PLEKHA7: variants seen among roughly 807,000 people sequenced by gnomAD.
PLEKHA7 encodes pleckstrin homology domain-containing family A member 7.
A neutral mutation model predicts 170.0 loss-of-function variants in PLEKHA7; 104 were observed. The ratio of observed to expected loss-of-function variants is 0.61; its 90% CI spans 0.52 to 0.72. The LOEUF is 0.72. Ranked by LOEUF, PLEKHA7 falls within the 30% of genes least tolerant of loss-of-function variation. The probability of loss-of-function intolerance (pLI) is 0.00; values close to 1 mark genes in which losing one functional copy is unlikely to be tolerated. For missense variants in PLEKHA7, 1,615 were observed against 1,671.7 expected (o/e 0.97, Z 0.59); for synonymous variants, 648 against 660.8 (o/e 0.98, Z 0.30).
At chr11:16,844,547 C>T (rs147296104) in intron 8 of PLEKHA7, among the ~76,000 whole-genome samples, 1 of 152,238 alleles carries the variant, frequency 6.6e-6, no homozygotes, top group African/African-American at 2.4e-5. Flanking sequence ...CTAGTCTCAA[C>T]TCAGATGGTA....
Position 16,789,149 on chromosome 11 carries a change from C to T in PLEKHA7, c.3304G>A (p.Gly1102Ser), listed in dbSNP as rs754719714. Residue 1102 changes from glycine to serine, a missense_variant, in exon 23 of 27, where the codon GGC (glycine) becomes AGC (serine). Coordinates refer to ENST00000531066, the MANE Select transcript of PLEKHA7 (RefSeq NM_001329630.2). The surrounding 1 kb of genome is among the most constrained non-coding windows in gnomAD (Gnocchi z 4.6). ...KRTLGQGERT[G>S]LPSSRYLSRP... ...CTGAGGTAGCGAGATGAGGGCAGGC[C>T]CGTCCTCTCCCCTTGGCCCAGTGTC... 6.2e-7 allele frequency: 1 copy of T among 1,610,818 alleles called. No individual in the cohort carries two copies. The highest frequency in any genetic ancestry group is 1.1e-5 in the South Asian group (1 of 91,080).
intron 9 of PLEKHA7, among the ~76,000 whole-genome samples, chr11:16,828,783 G>A (rs993107975): frequency 6.6e-6 from 1 of 152,206 alleles, no homozygotes; most frequent in Admixed American, 6.5e-5. Flanking sequence ...CACAGTCTCA[G>A]TGACTGGTTC....
intron 3 of PLEKHA7, among the ~76,000 whole-genome samples, chr11:17,006,719 T>C (rs890873867): frequency 6.6e-6 from 1 of 151,974 alleles, no homozygotes; most frequent in Non-Finnish European, 1.5e-5. Flanking sequence ...TCAACATTTA[T>C]CTAGGGAGGA....
chr11:16,805,147 T>C lies in PLEKHA7; in HGVS notation c.2008-1852A>G, dbSNP rs575590604. On this transcript the variant is annotated intron_variant, in intron 13 of 26. Coordinates refer to ENST00000531066, the MANE Select transcript of PLEKHA7 (RefSeq NM_001329630.2). The stretch of plus-strand genomic sequence containing the variant: ...GGTAGAAATCATTTTCAAATGGAGA[T>C]ACACTCTGGGGATTCTTTCCCCCAG... Among the ~76,000 whole-genome samples, 3 of 152,308 alleles carry C rather than the reference T, an allele frequency of 2.0e-5. No individual in the cohort carries two copies. In the South Asian group the frequency reaches 6.2e-4, roughly 32 times the overall value.
At chr11:16,853,856 A>G (rs1299529824) in intron 6 of PLEKHA7, among the ~76,000 whole-genome samples, 1 of 152,134 alleles carries the variant, frequency 6.6e-6, no homozygotes, top group Admixed American at 6.5e-5. Flanking sequence ...GCAGAAGAAG[A>G]TTTTAAGGGG....
intron 3 of PLEKHA7, among the ~76,000 whole-genome samples, chr11:16,997,712 G>C (rs1175741586): frequency 1.3e-5 from 2 of 152,150 alleles, no homozygotes; most frequent in East Asian, 1.9e-4. Flanking sequence ...GCATGTGCTG[G>C]GGGGAGAGGT....
Position 16,906,897 on chromosome 11 carries a change from C to T in PLEKHA7, c.222-35715G>A, listed in dbSNP as rs1238047190. On this transcript the variant is annotated intron_variant, in intron 3 of 26. Transcript: ENST00000531066. ...GAAGTGAGGAGCGTCTCTGCCACGC[C>T]GCCCATCGTCTGAGATGTGGGGAGC... is the stretch of plus-strand genomic sequence containing the variant. Among the ~76,000 whole-genome samples, 6 of 143,600 alleles carry T rather than the reference C, an allele frequency of 4.2e-5. No homozygotes were observed. In the South Asian group the frequency reaches 7.0e-4, roughly 17 times the overall value. The allele number at this position is 143,600 out of a possible 152,430, so 94.2% of individuals were successfully genotyped here.
chr11:16,994,257 T>C (rs934817980), intron 3 of PLEKHA7, among the ~76,000 whole-genome samples: 2 of 152,246 alleles, frequency 1.3e-5, no homozygotes, highest in Non-Finnish European at 2.9e-5. Context: ...CCTCAGCAGA[T>C]GCCCCTTAGG....
chr11:16,821,741 A>G (rs900347059), intron 10 of PLEKHA7, among the ~76,000 whole-genome samples: 5 of 152,226 alleles, frequency 3.3e-5, no homozygotes, highest in Non-Finnish European at 5.9e-5. Context: ...ATCTGGGACT[A>G]TAAGAGGCAG....
chr11:16,857,010 G>A (rs978468651), intron 4 of PLEKHA7, among the ~76,000 whole-genome samples: 2 of 152,206 alleles, frequency 1.3e-5, no homozygotes, highest in Non-Finnish European at 2.9e-5. Flanking sequence ...CAGGCAGGAT[G>A]CAGCTGACGA....
At chr11:16,818,611 G>C (rs1199541438) in intron 10 of PLEKHA7, among the ~76,000 whole-genome samples, 1 of 152,290 alleles carries the variant, frequency 6.6e-6, no homozygotes, top group East Asian at 1.9e-4. Flanking sequence ...ATACTTCCAA[G>C]ACATGTTTTC....
At chr11:16,998,369 C>T (rs1864464789) in intron 3 of PLEKHA7, among the ~76,000 whole-genome samples, 2 of 152,098 alleles carry the variant, frequency 1.3e-5, no homozygotes, top group Non-Finnish European at 2.9e-5. Flanking sequence ...CCAACCAAGA[C>T]CTCCCTCCCC....
chr11:16,929,220 G>A (rs1859760442), intron 3 of PLEKHA7, among the ~76,000 whole-genome samples: 1 of 152,122 alleles, frequency 6.6e-6, no homozygotes, highest in African/African-American at 2.4e-5. Flanking sequence ...AACACCCAAG[G>A]ACAGAAAGTA....
intron 3 of PLEKHA7, among the ~76,000 whole-genome samples, chr11:16,985,404 A>C (rs943915369): frequency 2.6e-5 from 4 of 152,218 alleles, no homozygotes; most frequent in African/African-American, 7.2e-5. Flanking sequence ...CTGAACTAGA[A>C]TGGACCCTGC....
chr11:16,990,294 A>AC, intron 3 of PLEKHA7, among the ~76,000 whole-genome samples: 1 of 148,828 alleles, frequency 6.7e-6, no homozygotes, highest in Admixed American at 6.8e-5. Flanking sequence ...AAAAAAAAAA[A>AC]AAAAACTTCT....
intron 13 of PLEKHA7, among the ~76,000 whole-genome samples, chr11:16,805,422 C>CA (rs912243359): frequency 6.6e-6 from 1 of 151,958 alleles, no homozygotes; most frequent in Non-Finnish European, 1.5e-5. Context: ...TACATTCAAC[C>CA]TTTTTTTTCT....
At position 16,778,816 on chromosome 11, in the gene PLEKHA7, A is replaced by T. The variant is rs2134092063; in HGVS notation, c.*182T>A. On this transcript the variant is annotated 3_prime_UTR_variant, in exon 27 of 27. Coordinates refer to ENST00000531066, the MANE Select transcript of PLEKHA7 (RefSeq NM_001329630.2). ...TCATATGTAGAGAGGAGTCTGAGCTAAACTAGTGGGTGCATATTAGGGCCT... is the reference window on the plus strand; with the variant it reads ...TCATATGTAGAGAGGAGTCTGAGCTTAACTAGTGGGTGCATATTAGGGCCT... 2 of 629,960 alleles carry T rather than the reference A, an allele frequency of 3.2e-6. No individual in the cohort carries two copies. The highest frequency in any genetic ancestry group is 5.7e-6 in the Non-Finnish European group (2 of 348,468). 39.0% of individuals were successfully genotyped at this position (629,960 alleles called of 1,614,324 possible).
At chr11:16,814,128 G>A (rs902378134) in intron 12 of PLEKHA7, among the ~76,000 whole-genome samples, 2 of 152,216 alleles carry the variant, frequency 1.3e-5, no homozygotes, top group Admixed American at 6.5e-5. Flanking sequence ...ATGCCTGAAG[G>A]ACAACTGTCA....
intron 3 of PLEKHA7, among the ~76,000 whole-genome samples, chr11:16,997,683 T>C (rs1448165464): frequency 6.6e-6 from 1 of 152,114 alleles, no homozygotes; most frequent in Non-Finnish European, 1.5e-5. Flanking sequence ...CTGCAACACC[T>C]GGGGGCTTCT....
Sources: gnomAD v4.1 joint callset for allele counts (sites outside exome capture counted in the v4.1 genomes callset) on GRCh38, gnomAD v4.1.1 for gene constraint, Gnocchi (gnomAD v3.1) non-coding constraint, MANE v1.5 for transcripts, NCBI Gene and HGNC (gene_info 2026-07-23, HGNC 2026-07-21) for gene names.